Variants in ZNF610 observed in about 807,000 individuals in gnomAD.
The protein encoded by ZNF610 is zink finger protein.
A neutral mutation model predicts 14.1 loss-of-function variants in ZNF610; 14 were observed. The observed-to-expected ratio is 0.99, with a 90% CI of 0.65 to 1.55. The LOEUF (loss-of-function observed/expected upper bound fraction) is 1.55. ZNF610 is among the 40% of genes most tolerant of loss of function. The pLI is 0.00. For missense variants in ZNF610, 530 were observed against 558.0 expected, an observed-to-expected ratio of 0.95 and a Z score of 0.51; for synonymous variants, 185 against 187.6, an observed-to-expected ratio of 0.99 and a Z score of 0.11.
chr19:52,360,001 T>A (rs967535855), intron 5 of ZNF610, among the ~76,000 whole-genome samples: 1 of 152,108 alleles, frequency 6.6e-6, no homozygotes, highest in Non-Finnish European at 1.5e-5. Context: ...TAGGGCAAGG[T>A]ATGGGGGAAG....
chr19:52,363,600 T>C (rs1456274069), intron 5 of ZNF610, among the ~76,000 whole-genome samples: 1 of 152,232 alleles, frequency 6.6e-6, no homozygotes, highest in African/African-American at 2.4e-5. Flanking sequence ...AATTGAACCC[T>C]TCATCATTGT....
intron 3 of ZNF610, among the ~76,000 whole-genome samples, chr19:52,350,420 G>A (rs187835740): frequency 5.9e-5 from 9 of 152,294 alleles, no homozygotes; most frequent in Admixed American, 3.9e-4. Flanking sequence ...GCTCACGCCT[G>A]TAATCCCAGC....
Position 52,337,191 on chromosome 19 carries a change from A to G in ZNF610, c.-258+685A>G, listed in dbSNP as rs539925448. Among the ~76,000 whole-genome samples, 465 of 151,422 alleles carry G rather than the reference A, an allele frequency of 3.1e-3. 4 individuals carry two copies. Among genetic ancestry groups the G allele is most frequent in the African/African-American group, 0.011 (454 of 41,218 alleles). ...AGGCTCCTCAGACAGAGTAGGGGAG[A>G]GGAGGAGGGATTTGGAGCCAGGGCA... On this transcript the variant is annotated intron_variant, in intron 1 of 5. Transcript: ENST00000403906.
intron 2 of ZNF610, among the ~76,000 whole-genome samples, chr19:52,348,404 C>A (rs1231742394): frequency 3.3e-5 from 5 of 151,542 alleles, no homozygotes; most frequent in African/African-American, 1.2e-4. Context: ...GGTTTCTTTC[C>A]TTTTTTTTGT....
At chr19:52,356,976 G>T (rs1985550310) in intron 5 of ZNF610, among the ~76,000 whole-genome samples, 1 of 152,116 alleles carries the variant, frequency 6.6e-6, no homozygotes, top group Non-Finnish European at 1.5e-5. Context: ...GGGGGCCCTT[G>T]AATTCTATTC....
rs543299958 is a variant in ZNF610, at chr19:52,361,178, T to G, written c.320-4520T>G. ...GGGACACAGTTGTACAATCTCATTT[T>G]CTTTTTTTTTTTTTTCCGAGACAGA... On this transcript the variant is annotated intron_variant, in intron 5 of 5. Transcript: ENST00000403906. Among the ~76,000 whole-genome samples the G allele has an allele frequency of 6.3e-5, 9 of 143,960 alleles. No individual in the cohort carries two copies. The South Asian group carries it at 1.9e-3, about 31-fold the overall frequency. 94.4% of individuals were successfully genotyped at this position (143,960 alleles called of 152,430 possible).
rs1387794013 is a variant in ZNF610 at position 52,367,149 on chromosome 19, A to C, written c.*382A>C. The C allele has an allele frequency of 1.2e-5, 2 of 170,014 alleles. No homozygotes were observed. The highest frequency in any genetic ancestry group is 4.8e-5 in the African/African-American group (2 of 41,776). The allele number at this position is 170,014 out of a possible 1,614,324, so 10.5% of individuals were successfully genotyped here. ...GTTTTTTCTTTTTTTTTTGAGACGA[A>C]GTCTCGCTGTATTACCCAGGCTGGA... is the stretch of plus-strand genomic sequence containing the variant. On this transcript the variant is annotated 3_prime_UTR_variant, in exon 6 of 6. Coordinates refer to ENST00000403906, the MANE Select transcript of ZNF610 (RefSeq NM_001161425.2).
Position 52,365,799 on chromosome 19 carries a change from G to A in ZNF610, c.421G>A (p.Ala141Thr), listed in dbSNP as rs1338331681. The change falls in exon 6 of 6, where the codon GCC becomes ACC. Residue 141 changes from alanine (A) to threonine (T), a missense_variant. By Grantham distance (58) the Ala-to-Thr change is moderately conservative. Transcript: ENST00000403906. ...TCTGTCTGAATTGCAGCTGTTTCAA[G>A]CCGGAAGGAAAATTTACAGAAGTAA... ...AHLSELQLFQ[A>T]GRKIYRSNQV... is the part of the protein sequence containing the mutation. The A allele has an allele frequency of 1.9e-6, 3 of 1,614,168 alleles. No homozygotes were observed. Among genetic ancestry groups the A allele is most frequent in the African/African-American group, 1.3e-5 (1 of 75,044 alleles).
chr19:52,356,711 G>T (rs2560986), intron 5 of ZNF610, among the ~76,000 whole-genome samples: 3,174 of 152,218 alleles, frequency 0.021, 66 homozygotes, highest in East Asian at 0.073. Flanking sequence ...CCAATTAAAT[G>T]TATTACAGTG....
chr19:52,364,593 C>T (rs940572195), intron 5 of ZNF610, among the ~76,000 whole-genome samples: 7 of 152,180 alleles, frequency 4.6e-5, no homozygotes, highest in South Asian at 2.1e-4. Flanking sequence ...GAAGGAGTCT[C>T]GCTCTGTCGC....
intron 3 of ZNF610, among the ~76,000 whole-genome samples, chr19:52,349,859 G>A (rs759322715): frequency 1.8e-4 from 28 of 152,144 alleles, no homozygotes; most frequent in Non-Finnish European, 3.5e-4. Context: ...GTGAGCCACC[G>A]CGCCTGGCCT....
chr19:52,348,214 T>C (rs1985058168), intron 2 of ZNF610: 1 of 152,170 alleles, frequency 6.6e-6, no homozygotes, highest in Admixed American at 6.5e-5. Flanking sequence ...ACCGGTCCCA[T>C]TACTAAGCAG....
chr19:52,352,559 C>A (rs112324051), intron 3 of ZNF610, among the ~76,000 whole-genome samples: 28 of 152,088 alleles, frequency 1.8e-4, no homozygotes, highest in African/African-American at 5.3e-4. Context: ...TCAATATATT[C>A]GTATTAGTTA....
intron 5 of ZNF610, among the ~76,000 whole-genome samples, chr19:52,365,104 C>A (rs777678810): frequency 2.0e-5 from 3 of 152,058 alleles, no homozygotes; most frequent in Admixed American, 2.0e-4. Flanking sequence ...AAAAATTAGA[C>A]GAACGTGGTG....
Position 52,366,824 on chromosome 19 carries a change from A to C in ZNF610, c.*57A>C. The C allele has an allele frequency of 7.3e-7, 1 of 1,360,880 alleles. No individual in the cohort carries two copies. The highest frequency in any genetic ancestry group is 2.1e-5 in the Admixed American group (1 of 47,512). The allele number at this position is 1,360,880 out of a possible 1,614,324, so 84.3% of individuals were successfully genotyped here. Reference sequence around the variant, plus strand: ...CTAGCACAACATTGGAGGACTCAGGAGAAAAACCTTACAAATATCATAAAT... The same window carrying C: ...CTAGCACAACATTGGAGGACTCAGGCGAAAAACCTTACAAATATCATAAAT... On this transcript the variant is annotated 3_prime_UTR_variant, in exon 6 of 6. Transcript: ENST00000403906.
At chr19:52,330,634 C>A in the ZNF610 span, among the ~76,000 whole-genome samples, 647 of 152,174 alleles carry the variant, frequency 4.3e-3, 9 homozygotes, top group South Asian at 0.029. Flanking sequence ...TTCCATGGAC[C>A]CTGGAAGCAG....
rs1459318117 is a variant in ZNF610, at chr19:52,366,646, C to G, written c.1268C>G (p.Thr423Ser). 2 of 1,614,228 alleles carry G rather than the reference C, an allele frequency of 1.2e-6. No homozygotes were observed. The highest frequency in any genetic ancestry group is 1.7e-6 in the Non-Finnish European group (2 of 1,180,034). Reference sequence around the variant, plus strand: ...CTAACCAACCATCAGAGAATTCATACTGGAGAGAGACCTTACAAGTGTAAT... The same window carrying G: ...CTAACCAACCATCAGAGAATTCATAGTGGAGAGAGACCTTACAAGTGTAAT... Reference protein sequence around the residue: ...LYLTNHQRIHTGERPYKCNAC... With the variant: ...LYLTNHQRIHSGERPYKCNAC... Residue 423 changes from threonine (T) to serine (S), a missense_variant, in exon 6 of 6, where the codon ACT (threonine) becomes AGT (serine). Transcript: ENST00000403906.
chr19:52,352,674 T>C (rs1026840256), intron 3 of ZNF610, among the ~76,000 whole-genome samples: 1 of 152,184 alleles, frequency 6.6e-6, no homozygotes, highest in African/African-American at 2.4e-5. Flanking sequence ...TTTTTCCTGT[T>C]TTTTTTCCTC....
intron 3 of ZNF610, 130 bp from the exon 4 acceptor site, chr19:52,353,552 G>A: frequency 4.1e-6 from 4 of 973,998 alleles, no homozygotes; most frequent in Non-Finnish European, 6.0e-6. Flanking sequence ...ACTAGAGATT[G>A]GAATTGAAGT....
Sources: allele counts gnomAD v4.1 joint callset (sites outside exome capture counted in the v4.1 genomes callset), GRCh38; gene constraint gnomAD v4.1.1; transcripts MANE v1.5; gene names NCBI Gene and HGNC (gene_info 2026-07-23, HGNC 2026-07-21).